The following NCKAP5 variants were observed in gnomAD, a reference collection of about 807,000 sequenced individuals.
NCKAP5 encodes NCK associated protein 5.
In NCKAP5, 92 loss-of-function variants were observed where a neutral mutation model predicts 167.0. The ratio of observed to expected loss-of-function variants is 0.55; its 90% CI spans 0.47 to 0.66. The LOEUF (loss-of-function observed/expected upper bound fraction) is 0.66. Among genes scored for constraint, NCKAP5 ranks in the 30% least tolerant of loss-of-function variants. The pLI is 0.00. For missense variants in NCKAP5, 2,378 were observed against 2,315.0 expected, an observed-to-expected ratio of 1.03 and a Z score of -0.56; for synonymous variants, 891 against 877.4, an observed-to-expected ratio of 1.02 and a Z score of -0.27.
chr2:133,460,071 C>G (rs765756946), intron 3 of NCKAP5, among the ~76,000 whole-genome samples: 1 of 152,162 alleles, frequency 6.6e-6, no homozygotes, highest in Non-Finnish European at 1.5e-5. Context: ...GTGACTAATG[C>G]TTAGTTTTAT....
chr2:132,968,403 C>T (rs2076731123), intron 7 of NCKAP5, among the ~76,000 whole-genome samples: 1 of 152,106 alleles, frequency 6.6e-6, no homozygotes, highest in Non-Finnish European at 1.5e-5. Flanking sequence ...TCAGAAACTA[C>T]CACAGATGAT....
chr2:132,878,152 G>A (rs1019262262), intron 9 of NCKAP5, among the ~76,000 whole-genome samples: 4 of 152,146 alleles, frequency 2.6e-5, no homozygotes, highest in Non-Finnish European at 5.9e-5. Flanking sequence ...AGGTGACAGC[G>A]GGGGAGGACG....
chr2:133,632,622 C>T, the NCKAP5 span, among the ~76,000 whole-genome samples: 15,043 of 152,244 alleles, frequency 0.099, 865 homozygotes, highest in African/African-American at 0.14. Context: ...GTGAAGTACC[C>T]CTCCTGGTGC....
chr2:132,721,233 A>G (rs1347669902), intron 19 of NCKAP5, among the ~76,000 whole-genome samples: 1 of 152,128 alleles, frequency 6.6e-6, no homozygotes, highest in Non-Finnish European at 1.5e-5. Flanking sequence ...GCTTCAACCC[A>G]AGAGACGGAG....
intron 4 of NCKAP5, among the ~76,000 whole-genome samples, chr2:133,234,033 C>G (rs2087279102): frequency 6.6e-6 from 1 of 152,200 alleles, no homozygotes; most frequent in Admixed American, 6.5e-5. Flanking sequence ...AACCTGGGAG[C>G]AAACACAGGC....
intron 3 of NCKAP5, among the ~76,000 whole-genome samples, chr2:133,463,124 T>TACA (rs1281958256): frequency 6.6e-6 from 1 of 152,184 alleles, no homozygotes; most frequent in Non-Finnish European, 1.5e-5. Context: ...AGTCACAGGG[T>TACA]ACAATAAAAG....
chr2:133,480,138 G>T (rs1680296318), intron 3 of NCKAP5, among the ~76,000 whole-genome samples: 1 of 151,986 alleles, frequency 6.6e-6, no homozygotes. Context: ...CGCCGTGTTG[G>T]CCATACTGGT....
At chr2:132,846,316 T>G (rs1688658234) in intron 11 of NCKAP5, among the ~76,000 whole-genome samples, 1 of 152,132 alleles carries the variant, frequency 6.6e-6, no homozygotes, top group Non-Finnish European at 1.5e-5. Context: ...TCATATTATT[T>G]CATGGTGACT....
chr2:133,133,598 G>C (rs540964141), intron 5 of NCKAP5, among the ~76,000 whole-genome samples: 1 of 152,264 alleles, frequency 6.6e-6, no homozygotes, highest in South Asian at 2.1e-4. Context: ...TAAAAAGGTA[G>C]GTTTCCCTGT....
chr2:132,735,451 C>G (rs1429482652), intron 16 of NCKAP5, among the ~76,000 whole-genome samples: 1 of 152,210 alleles, frequency 6.6e-6, no homozygotes, highest in Non-Finnish European at 1.5e-5. Flanking sequence ...CACCTTCCAT[C>G]ATGATTGGAA....
At chr2:132,921,962 C>T (rs142549139) in intron 8 of NCKAP5, among the ~76,000 whole-genome samples, 135 of 152,260 alleles carry the variant, frequency 8.9e-4, no homozygotes, top group Middle Eastern at 3.4e-3. Context: ...TTAGTTTCCA[C>T]GGACATGACT....
In NCKAP5 at chr2:132,783,326, T is replaced by C. The variant is rs528248449; in HGVS notation, c.3485A>G (p.Lys1162Arg). Residue 1162 changes from lysine to arginine, a missense_variant, in exon 14 of 20, where the codon AAA (lysine) becomes AGA (arginine). Lys to Arg is a conservative substitution (Grantham distance 26, BLOSUM62 2). Transcript: ENST00000409261. ...ATGTTTCCCTGGCACGGTGGAACTT[T>C]TCCTGAGCAGCTGGGGAGACTTCAT... The part of the protein sequence containing the change: ...VLMKSPQLLR[K>R]SSTVPGKHEK... 1.4e-5 allele frequency: 22 copies of C among 1,613,766 alleles called. No homozygotes were observed. The highest frequency in any genetic ancestry group is 1.7e-5 in the Non-Finnish European group (20 of 1,179,886).
intron 5 of NCKAP5, among the ~76,000 whole-genome samples, chr2:133,155,437 C>A (rs2083538271): frequency 6.6e-6 from 1 of 152,164 alleles, no homozygotes; most frequent in Non-Finnish European, 1.5e-5. Flanking sequence ...GTGGCCAGGA[C>A]TCCACTTTGA....
chr2:133,189,827 G>T (rs1000708615), intron 5 of NCKAP5, among the ~76,000 whole-genome samples: 1 of 152,042 alleles, frequency 6.6e-6, no homozygotes, highest in Non-Finnish European at 1.5e-5. Context: ...ATCCTGAATG[G>T]GCAAAAACTG....
In NCKAP5 at chr2:132,790,170, G is replaced by A. The variant is rs1683943739; in HGVS notation, c.945C>T (p.Cys315=). ...CAGGGATGACAGCCCCCAAGCCAGG[G>A]CATTTCAAGGCCGATTTTGTATTTA... ...HQLNTKSALK[C]PGLGAVIPGH... The change falls in exon 13 of 20, where the codon TGC becomes TGT. Residue 315 remains cysteine (C), a synonymous_variant. Transcript: ENST00000409261. 1.9e-6 allele frequency: 3 copies of A among 1,613,450 alleles called. No individual in the cohort carries two copies. The highest frequency in any genetic ancestry group is 2.2e-5 in the East Asian group (1 of 44,844).
intron 8 of NCKAP5, among the ~76,000 whole-genome samples, chr2:132,903,158 G>A (rs147009668): frequency 8.3e-4 from 126 of 152,304 alleles, no homozygotes; most frequent in Non-Finnish European, 1.5e-3. Flanking sequence ...ATGCCACCTT[G>A]TAGAGCTGCA....
At chr2:133,618,916 C>T in the NCKAP5 span, among the ~76,000 whole-genome samples, 1 of 145,696 alleles carries the variant, frequency 6.9e-6, no homozygotes, top group East Asian at 2.0e-4. Context: ...AAATGTCCAA[C>T]AATGATAGAC....
intron 6 of NCKAP5, among the ~76,000 whole-genome samples, chr2:133,022,424 T>TAG (rs1456708080): frequency 2.4e-4 from 36 of 152,282 alleles, no homozygotes; most frequent in Non-Finnish European, 4.7e-4. Context: ...TACTTCAAAC[T>TAG]GAGGGCACCT....
rs868462139 is a variant in NCKAP5, at chr2:133,492,104, C to T, written c.69+25354G>A. On this transcript the variant is annotated intron_variant, in intron 3 of 19. Coordinates refer to ENST00000409261, the MANE Select transcript of NCKAP5 (RefSeq NM_207363.3). ...CTCTGATGCATCTCCCATCCTGCCC[C>T]CAATCCCTGCTCTACCTGTATCCTA... 1.2e-4 allele frequency among the ~76,000 whole-genome samples: 16 copies of T among 138,740 alleles called. No individual in the cohort carries two copies. In the Middle Eastern group the frequency reaches 0.011, roughly 97 times the overall value. The allele number at this position is 138,740 out of a possible 152,430, so 91.0% of individuals were successfully genotyped here. A position where few individuals can be genotyped will look rare whatever the true frequency, so the allele number is the denominator to read the frequency against.
Sources: gnomAD v4.1 joint callset for allele counts (sites outside exome capture counted in the v4.1 genomes callset) on GRCh38, gnomAD v4.1.1 for gene constraint, MANE v1.5 for transcripts, NCBI Gene and HGNC (gene_info 2026-07-23, HGNC 2026-07-21) for gene names.